Variants in PCDH15 observed in about 807,000 individuals in gnomAD.
PCDH15 encodes protocadherin related 15.
PCDH15 carries 129 observed loss-of-function variants against 178.5 expected under a neutral mutation model. The ratio of observed to expected loss-of-function variants is 0.72; its 90% confidence interval spans 0.63 to 0.84. PCDH15 has a LOEUF of 0.84. PCDH15 is among the 40% of genes least tolerant of loss of function. The probability of loss-of-function intolerance (pLI) is 0.00; values close to 1 mark genes in which losing one functional copy is unlikely to be tolerated. For missense variants in PCDH15, 2,230 were observed against 2,099.9 expected (o/e 1.06, Z -1.21); for synonymous variants, 800 against 732.0 (o/e 1.09, Z -1.50).
At chr10:54,600,023 C>T in intron 2 of PCDH15, 1 of 1,343,782 alleles carries the variant, frequency 7.4e-7, no homozygotes, top group Admixed American at 2.0e-5. Flanking sequence ...AAGTCAAAAG[C>T]AGAAGTGGGG....
At chr10:55,557,246 A>T (rs1454724171) in intron 2 of PCDH15, among the ~76,000 whole-genome samples, 1 of 152,192 alleles carries the variant, frequency 6.6e-6, no homozygotes, top group Non-Finnish European at 1.5e-5. Flanking sequence ...GTGAACACCC[A>T]TAAGCAGATT....
chr10:55,230,812 AG>A (rs1419042936), intron 1 of PCDH15, among the ~76,000 whole-genome samples: 2 of 152,056 alleles, frequency 1.3e-5, no homozygotes, highest in African/African-American at 4.8e-5. Context: ...AACCAGAAAA[AG>A]TGAACAGTAT....
intron 3 of PCDH15, among the ~76,000 whole-genome samples, chr10:54,481,303 C>T (rs2078700993): frequency 6.6e-6 from 1 of 151,574 alleles, no homozygotes; most frequent in African/African-American, 2.4e-5. Context: ...CGGTCTGGCG[C>T]TACTGGAAAT....
At chr10:54,670,749 A>G (rs2094649033) in intron 1 of PCDH15, among the ~76,000 whole-genome samples, 1 of 152,072 alleles carries the variant, frequency 6.6e-6, no homozygotes, top group Non-Finnish European at 1.5e-5. Flanking sequence ...GTGTTTATAC[A>G]TACATTTACT....
chr10:55,392,979 A>ATGTGTG lies in PCDH15; in HGVS notation c.-155-226334_-155-226329dup, dbSNP rs10546546. 1.4e-3 allele frequency among the ~76,000 whole-genome samples: 207 copies of ATGTGTG among 144,158 alleles called. No homozygotes were observed. The South Asian group carries it at 0.017, about 12-fold the overall frequency. The allele number at this position is 144,158 out of a possible 152,430, so 94.6% of individuals were successfully genotyped here. Reference sequence around the variant, plus strand: ...AGTATCAATCTAAGAACTAAAGTGTATGTGTGTGTGTGTGTGTGTGTGTGT... The same window carrying ATGTGTG: ...AGTATCAATCTAAGAACTAAAGTGTATGTGTGTGTGTGTGTGTGTGTGTGTGTGTGT... On this transcript the variant is annotated intron_variant, in intron 2 of 5. Coordinates refer to the PCDH15 transcript ENST00000613346.
At chr10:55,432,082 AACACACACACACACAC>A (rs58866288) in intron 2 of PCDH15, among the ~76,000 whole-genome samples, 3 of 148,500 alleles carry the variant, frequency 2.0e-5, no homozygotes, top group Admixed American at 6.8e-5. Context: ...CTATCATTTA[AACACACACACACACAC>A]ACACACACAC....
chr10:54,450,489 T>C (rs1589470079), intron 3 of PCDH15, among the ~76,000 whole-genome samples: 1 of 151,824 alleles, frequency 6.6e-6, no homozygotes, highest in Middle Eastern at 3.2e-3. Context: ...GCCCCACATA[T>C]CTTCTTACGG....
intron 2 of PCDH15, among the ~76,000 whole-genome samples, chr10:55,049,576 C>T (rs1344937572): frequency 4.6e-5 from 7 of 151,862 alleles, no homozygotes; most frequent in African/African-American, 1.7e-4. Flanking sequence ...CTCTTTCATT[C>T]TTTCATATGT....
At chr10:54,886,488 G>A (rs557500269) in intron 3 of PCDH15, among the ~76,000 whole-genome samples, 30 of 152,298 alleles carry the variant, frequency 2.0e-4, no homozygotes, top group African/African-American at 5.8e-4. Context: ...TTGTTCAGGC[G>A]CAGTGGCTCA....
intron 8 of PCDH15, among the ~76,000 whole-genome samples, chr10:54,282,922 G>C (rs747435666): frequency 1.3e-5 from 2 of 151,930 alleles, no homozygotes; most frequent in Non-Finnish European, 2.9e-5. Context: ...TTCTATATGA[G>C]ATTATGAGTA....
chr10:55,113,212 A>G (rs568497195), intron 2 of PCDH15, among the ~76,000 whole-genome samples: 153 of 152,324 alleles, frequency 1.0e-3, no homozygotes, highest in Middle Eastern at 3.4e-3. Flanking sequence ...AACACTTGTT[A>G]CAATTAAGGA....
chr10:54,693,020 G>C (rs999283339), intron 1 of PCDH15, among the ~76,000 whole-genome samples: 4 of 151,832 alleles, frequency 2.6e-5, no homozygotes, highest in Admixed American at 1.3e-4. Flanking sequence ...TGTCCTCCAA[G>C]TTCCCTCCCC....
chr10:54,034,527 T>C (rs760895895), intron 18 of PCDH15, among the ~76,000 whole-genome samples: 3 of 151,950 alleles, frequency 2.0e-5, no homozygotes, highest in Non-Finnish European at 4.4e-5. Context: ...AGGATCATGT[T>C]TTCTAATGTC....
At chr10:54,204,253 T>C (rs367804799) in intron 10 of PCDH15, among the ~76,000 whole-genome samples, 1 of 151,928 alleles carries the variant, frequency 6.6e-6, no homozygotes, top group African/African-American at 2.4e-5. Flanking sequence ...GTGGAACATA[T>C]ACATCCTGAG....
At chr10:55,344,184 C>T (rs980180580) in intron 2 of PCDH15, among the ~76,000 whole-genome samples, 1 of 152,040 alleles carries the variant, frequency 6.6e-6, no homozygotes, top group East Asian at 1.9e-4. Context: ...ATTAAGAAGT[C>T]CACTGTGGCT....
At chr10:55,501,209 C>A (rs1462553852) in intron 2 of PCDH15, among the ~76,000 whole-genome samples, 3 of 151,482 alleles carry the variant, frequency 2.0e-5, no homozygotes, top group Admixed American at 1.3e-4. Flanking sequence ...TCCTGGGGTA[C>A]CTGAAGCTGA....
chr10:54,385,217 A>G (rs1265525224), intron 3 of PCDH15, among the ~76,000 whole-genome samples: 1 of 152,114 alleles, frequency 6.6e-6, no homozygotes, highest in Non-Finnish European at 1.5e-5. Context: ...GAGAATTCTG[A>G]GTTGTCATAA....
At chr10:54,546,839 G>A (rs1167729280) in intron 2 of PCDH15, among the ~76,000 whole-genome samples, 2 of 152,136 alleles carry the variant, frequency 1.3e-5, no homozygotes. Flanking sequence ...AACACCGCAT[G>A]ATTCTCCTCA....
intron 2 of PCDH15, among the ~76,000 whole-genome samples, chr10:55,473,403 T>C (rs971278942): frequency 6.6e-6 from 1 of 151,966 alleles, no homozygotes; most frequent in African/African-American, 2.4e-5. Context: ...GCCAGTGCAA[T>C]CTCAGCAATA....
Sources: gnomAD v4.1 joint callset for allele counts (sites outside exome capture counted in the v4.1 genomes callset) on GRCh38, gnomAD v4.1.1 for gene constraint, MANE v1.5 for transcripts, NCBI Gene and HGNC (gene_info 2026-07-23, HGNC 2026-07-21) for gene names.